WDR70: variants seen among roughly 807,000 people sequenced by gnomAD.
WDR70 encodes the protein WD repeat-containing protein 70.
In WDR70, 53 loss-of-function variants were observed where a neutral mutation model predicts 88.6. The observed-to-expected ratio is 0.60, with a 90% CI of 0.48 to 0.75. The LOEUF is 0.75. Ranked by LOEUF, WDR70 falls within the 30% of genes least tolerant of loss-of-function variation. The probability of loss-of-function intolerance (pLI) is 0.00; values close to 1 mark genes in which losing one functional copy is unlikely to be tolerated. For missense variants in WDR70, 610 were observed against 823.2 expected (o/e 0.74, Z 3.17); for synonymous variants, 280 against 270.0 (o/e 1.04, Z -0.36).
intron 9 of WDR70, among the ~76,000 whole-genome samples, chr5:37,549,943 C>T (rs1742096666): frequency 6.6e-6 from 1 of 151,770 alleles, no homozygotes; most frequent in Non-Finnish European, 1.5e-5. Context: ...CTCACTGCAA[C>T]CTCCACCTCC....
chr5:37,420,861 C>A (rs1286420760), intron 5 of WDR70, among the ~76,000 whole-genome samples: 1 of 152,034 alleles, frequency 6.6e-6, no homozygotes, highest in African/African-American at 2.4e-5. Context: ...TTGCAGTGAG[C>A]CGAGATCACG....
At chr5:37,388,205 C>T (rs1392304562) in intron 3 of WDR70, among the ~76,000 whole-genome samples, 1 of 151,888 alleles carries the variant, frequency 6.6e-6, no homozygotes, top group Non-Finnish European at 1.5e-5. Context: ...CTGCAACCTC[C>T]TCCTCCCAGG....
At chr5:37,437,172 C>T (rs2007892) in intron 5 of WDR70, among the ~76,000 whole-genome samples, 34,529 of 152,084 alleles carry the variant, frequency 0.23, 4,595 homozygotes, top group East Asian at 0.46. Flanking sequence ...GTGTCTGCTG[C>T]CACCTAACAA....
At chr5:37,631,730 G>T (rs1744824410) in intron 10 of WDR70, among the ~76,000 whole-genome samples, 1 of 152,094 alleles carries the variant, frequency 6.6e-6, no homozygotes, top group Non-Finnish European at 1.5e-5. Flanking sequence ...CATTCATCCA[G>T]CCTAAGTGAA....
At chr5:37,502,518 G>A (rs62359003) in intron 8 of WDR70, among the ~76,000 whole-genome samples, 4,730 of 152,128 alleles carry the variant, frequency 0.031, 110 homozygotes, top group Non-Finnish European at 0.049. Flanking sequence ...GCATTTTATC[G>A]GATGTTTTTT....
At chr5:37,479,373 T>G (rs557869930) in intron 7 of WDR70, 1 of 152,608 alleles carries the variant, frequency 6.6e-6, no homozygotes, top group African/African-American at 2.4e-5. Flanking sequence ...GTTGTTTTTT[T>G]TTTTTTTTTT....
At chr5:37,729,673 C>T (rs1203923383) in intron 17 of WDR70, among the ~76,000 whole-genome samples, 2 of 152,204 alleles carry the variant, frequency 1.3e-5, no homozygotes, top group Non-Finnish European at 2.9e-5. Context: ...TTCTTCACCA[C>T]CCCAGTGATT....
At chr5:37,480,905 A>G (rs1241310232) in intron 8 of WDR70, among the ~76,000 whole-genome samples, 3 of 152,254 alleles carry the variant, frequency 2.0e-5, no homozygotes, top group African/African-American at 7.2e-5. Flanking sequence ...GTTACTTTCT[A>G]GATAAACAGG....
At chr5:37,523,339 C>A (rs1328567493) in intron 9 of WDR70, among the ~76,000 whole-genome samples, 1 of 152,202 alleles carries the variant, frequency 6.6e-6, no homozygotes, top group Non-Finnish European at 1.5e-5. Context: ...CGCTGTTCTG[C>A]AGCCTCCGCT....
chr5:37,513,396 G>A (rs1740782508), intron 8 of WDR70, among the ~76,000 whole-genome samples: 1 of 152,176 alleles, frequency 6.6e-6, no homozygotes, highest in South Asian at 2.1e-4. Flanking sequence ...CTGATATGGA[G>A]CAGAGCTGAA....
intron 13 of WDR70, among the ~76,000 whole-genome samples, chr5:37,719,534 C>G (rs547052805): frequency 5.3e-5 from 8 of 151,964 alleles, no homozygotes; most frequent in Non-Finnish European, 1.2e-4. Flanking sequence ...GAAAACCTGC[C>G]CCTTTAACTT....
At chr5:37,717,962 A>G (rs1378559571) in intron 13 of WDR70, among the ~76,000 whole-genome samples, 1 of 152,172 alleles carries the variant, frequency 6.6e-6, no homozygotes, top group East Asian at 1.9e-4. Flanking sequence ...TCTTAGGGTA[A>G]TTGAGCCTTA....
At chr5:37,726,298 T>C (rs1747968833) in intron 16 of WDR70, among the ~76,000 whole-genome samples, 1 of 152,186 alleles carries the variant, frequency 6.6e-6, no homozygotes, top group Non-Finnish European at 1.5e-5. Context: ...GTTTATTTTA[T>C]CTTCCTAAGA....
chr5:37,584,927 C>T (rs991208436), intron 9 of WDR70, among the ~76,000 whole-genome samples: 18 of 150,858 alleles, frequency 1.2e-4, no homozygotes, highest in African/African-American at 3.4e-4. Flanking sequence ...AAGGTAGTAA[C>T]GTGGCATTAC....
At chr5:37,444,172 A>C (rs991293501) in intron 7 of WDR70, among the ~76,000 whole-genome samples, 18 of 151,946 alleles carry the variant, frequency 1.2e-4, no homozygotes, top group East Asian at 7.8e-4. Context: ...TAAAAAAAAA[A>C]CAAAACTTTG....
intron 9 of WDR70, among the ~76,000 whole-genome samples, chr5:37,549,087 ATTC>A (rs1428176688): frequency 6.6e-6 from 1 of 152,016 alleles, no homozygotes; most frequent in Non-Finnish European, 1.5e-5. Context: ...TTCCTCCAGT[ATTC>A]TTCTTTTTGC....
At chr5:37,505,450 G>A (rs1274323877) in intron 8 of WDR70, among the ~76,000 whole-genome samples, 2 of 152,020 alleles carry the variant, frequency 1.3e-5, no homozygotes, top group African/African-American at 2.4e-5. Context: ...CATTCAAAAA[G>A]CAGCAATATC....
At chr5:37,433,927 G>A (rs975190571) in intron 5 of WDR70, among the ~76,000 whole-genome samples, 11 of 152,304 alleles carry the variant, frequency 7.2e-5, no homozygotes, top group South Asian at 2.1e-4. Context: ...CTAACCCAGT[G>A]TGTGGTATGT....
At chr5:37,680,666 C>G (rs929485931) in intron 10 of WDR70, among the ~76,000 whole-genome samples, 3 of 152,178 alleles carry the variant, frequency 2.0e-5, no homozygotes, top group African/African-American at 4.8e-5. Flanking sequence ...ATTCTTTACC[C>G]ATTGCTTGTT....
Sources: allele counts gnomAD v4.1 joint callset (sites outside exome capture counted in the v4.1 genomes callset), GRCh38; gene constraint gnomAD v4.1.1; transcripts MANE v1.5; gene names NCBI Gene and HGNC (gene_info 2026-07-23, HGNC 2026-07-21).